Variants in THRB observed in about 807,000 individuals in gnomAD.
The protein encoded by THRB is thyroid hormone receptor beta, also known as nuclear receptor subfamily 1 group A member 2.
THRB carries 12 observed loss-of-function variants against 47.8 expected under a neutral mutation model. That is an observed-to-expected ratio of 0.25 (90% CI 0.16 to 0.41). The LOEUF is 0.41. Ranked by LOEUF, THRB falls within the 10% of genes least tolerant of loss-of-function variation. The pLI, the probability that THRB is intolerant of heterozygous loss-of-function variation, is 1.00. For missense variants in THRB, 348 were observed against 589.2 expected (o/e 0.59, Z 4.24); for synonymous variants, 218 against 212.2 (o/e 1.03, Z -0.24).
At chr3:24,469,107 G>A (rs149669136) in intron 1 of THRB, among the ~76,000 whole-genome samples, 3 of 152,038 alleles carry the variant, frequency 2.0e-5, no homozygotes, top group Admixed American at 6.6e-5. Context: ...CATCACCTCC[G>A]CTGGAATGTT....
At chr3:24,467,422 T>G (rs2074243196) in intron 1 of THRB, among the ~76,000 whole-genome samples, 1 of 152,230 alleles carries the variant, frequency 6.6e-6, no homozygotes, top group Non-Finnish European at 1.5e-5. Flanking sequence ...GTAAACCATT[T>G]CCAGAATGTT....
At chr3:24,208,464 G>A (rs2149816351) in intron 4 of THRB, among the ~76,000 whole-genome samples, 1 of 152,308 alleles carries the variant, frequency 6.6e-6, no homozygotes, top group South Asian at 2.1e-4. Context: ...CAAGGCTACA[G>A]TAACCAAAAC....
At chr3:24,359,516 T>C (rs2063925167) in intron 1 of THRB, among the ~76,000 whole-genome samples, 1 of 152,152 alleles carries the variant, frequency 6.6e-6, no homozygotes, top group Admixed American at 6.6e-5. Context: ...GGAGGGGATA[T>C]AGACCTTTAT....
chr3:24,226,262 C>G (rs2047642398), intron 4 of THRB, among the ~76,000 whole-genome samples: 1 of 152,150 alleles, frequency 6.6e-6, no homozygotes, highest in South Asian at 2.1e-4. Context: ...AAGTATGCTC[C>G]TAGAGCAAGC....
Position 24,494,800 on chromosome 3 carries a change from T to G in THRB, c.-409A>C, listed in dbSNP as rs1698795859. 6 of 151,496 alleles carry G rather than the reference T, an allele frequency of 4.0e-5. No individual in the cohort carries two copies. Among genetic ancestry groups the G allele is most frequent in the Admixed American group, 3.9e-4 (6 of 15,228 alleles). The allele number at this position is 151,496 out of a possible 1,614,324, so 9.4% of individuals were successfully genotyped here. On this transcript the variant is annotated 5_prime_UTR_variant, in exon 1 of 11. Coordinates refer to ENST00000646209, the MANE Select transcript of THRB (RefSeq NM_001354712.2). The stretch of plus-strand genomic sequence containing the variant: ...TCTTTTCCAAGCGCACTCACATTAT[T>G]CATGCAAAGTTAATCCCCGCCGCGT...
At chr3:24,151,308 T>C (rs983944980) in intron 6 of THRB, among the ~76,000 whole-genome samples, 2 of 152,116 alleles carry the variant, frequency 1.3e-5, no homozygotes, top group African/African-American at 4.8e-5. Context: ...ACACCTTAAT[T>C]TGAAACTGAG....
intron 4 of THRB, among the ~76,000 whole-genome samples, chr3:24,195,595 TA>T (rs1271267889): frequency 2.0e-5 from 3 of 152,214 alleles, no homozygotes; most frequent in Admixed American, 1.3e-4. Context: ...CTCTGGTTCT[TA>T]AAATAATCTG....
At chr3:24,264,329 A>T (rs2052409119) in intron 3 of THRB, among the ~76,000 whole-genome samples, 1 of 152,190 alleles carries the variant, frequency 6.6e-6, no homozygotes, top group African/African-American at 2.4e-5. Flanking sequence ...AGAGTTGAGT[A>T]GAGAACCCAG....
At chr3:24,182,155 T>C (rs1029402372) in intron 5 of THRB, among the ~76,000 whole-genome samples, 3 of 151,912 alleles carry the variant, frequency 2.0e-5, no homozygotes, top group African/African-American at 4.8e-5. Flanking sequence ...GAGCCGAGAT[T>C]GCGCCACTGC....
At chr3:24,450,774 C>T (rs987420361) in intron 1 of THRB, among the ~76,000 whole-genome samples, 5 of 152,140 alleles carry the variant, frequency 3.3e-5, no homozygotes, top group African/African-American at 1.2e-4. Flanking sequence ...ATACAGTCAA[C>T]TGGTGTGAAG....
rs1284515965 is a variant in THRB at position 24,282,811 on chromosome 3, A to C, written c.-43+14415T>G. Among the ~76,000 whole-genome samples, 33 of 150,262 alleles carry C rather than the reference A, an allele frequency of 2.2e-4. No individual in the cohort carries two copies. In the East Asian group the frequency reaches 5.3e-3, roughly 24 times the overall value. On this transcript the variant is annotated intron_variant, in intron 3 of 10. Transcript: ENST00000646209. The stretch of plus-strand genomic sequence containing the variant: ...ATCAGAGAATACTACAAACACCTCT[A>C]CGCAAATAAACTAGAAAATCTAGAA...
At chr3:24,352,744 T>C (rs1185859082) in intron 1 of THRB, among the ~76,000 whole-genome samples, 2 of 152,086 alleles carry the variant, frequency 1.3e-5, no homozygotes, top group African/African-American at 4.8e-5. Flanking sequence ...ATTTTAAGCA[T>C]ACACATATAC....
Position 24,118,948 on chromosome 3 carries a change from G to T in THRB, c.*3936C>A, listed in dbSNP as rs890298316. 8.3e-5 allele frequency: 12 copies of T among 144,684 alleles called. No homozygotes were observed. The highest frequency in any genetic ancestry group is 1.8e-4 in the Non-Finnish European group (12 of 66,420). The allele number at this position is 144,684 out of a possible 1,614,324, so 9.0% of individuals were successfully genotyped here. On this transcript the variant is annotated 3_prime_UTR_variant, in exon 11 of 11. Coordinates refer to ENST00000646209, the MANE Select transcript of THRB (RefSeq NM_001354712.2). ...AGCACAGTAAAAATTCTGTGATAAG[G>T]CCAAACCTTTTTTCCCCCAGTCTGG... is the stretch of plus-strand genomic sequence containing the variant.
chr3:24,295,352 T>A (rs4432577), intron 3 of THRB, among the ~76,000 whole-genome samples: 1 of 152,334 alleles, frequency 6.6e-6, no homozygotes, highest in South Asian at 2.1e-4. Flanking sequence ...TACACAATAA[T>A]ACAGTATAGG....
intron 7 of THRB, 90 bp downstream of exon 7, chr3:24,146,585 T>A: frequency 7.3e-7 from 1 of 1,374,872 alleles, no homozygotes; most frequent in East Asian, 2.3e-5. Context: ...CTTGGGTTCC[T>A]GCCTTCTTTT....
In THRB at chr3:24,117,611, T is replaced by G. The variant is rs1261498719; in HGVS notation, c.*5273A>C. ...GCTGTAAAGCTCATCCTGGAGCTAT[T>G]GGAGGCCACCGTAAGGTGAAAGGCC... On this transcript the variant is annotated 3_prime_UTR_variant, in exon 11 of 11. Coordinates refer to ENST00000646209, the MANE Select transcript of THRB (RefSeq NM_001354712.2). The G allele has an allele frequency of 1.3e-5, 2 of 152,238 alleles. No individual in the cohort carries two copies. The highest frequency in any genetic ancestry group is 2.9e-5 in the Non-Finnish European group (2 of 68,042). 9.4% of individuals were successfully genotyped at this position (152,238 alleles called of 1,614,324 possible).
intron 4 of THRB, among the ~76,000 whole-genome samples, chr3:24,216,420 A>G (rs574167389): frequency 6.6e-6 from 1 of 152,308 alleles, no homozygotes; most frequent in East Asian, 1.9e-4. Context: ...CCTGGCTAAC[A>G]TGGTGAAACC....
intron 1 of THRB, among the ~76,000 whole-genome samples, chr3:24,448,225 T>G (rs2072296803): frequency 6.6e-6 from 1 of 152,132 alleles, no homozygotes; most frequent in African/African-American, 2.4e-5. Context: ...TCATTAAGGA[T>G]GTAAGTATAA....
At chr3:24,360,700 C>A (rs2063998757) in intron 1 of THRB, among the ~76,000 whole-genome samples, 1 of 152,054 alleles carries the variant, frequency 6.6e-6, no homozygotes, top group South Asian at 2.1e-4. Flanking sequence ...AATTTAAGAA[C>A]CATTGTTTTA....
Sources: allele counts gnomAD v4.1 joint callset (sites outside exome capture counted in the v4.1 genomes callset), GRCh38; gene constraint gnomAD v4.1.1; transcripts MANE v1.5; gene names NCBI Gene and HGNC (gene_info 2026-07-23, HGNC 2026-07-21).